The following SLC25A24 variants were observed in gnomAD, a reference collection of about 807,000 sequenced individuals.
SLC25A24 encodes the protein mitochondrial adenyl nucleotide antiporter SLC25A24.
SLC25A24 carries 49 observed loss-of-function variants against 60.7 expected under a neutral mutation model. That is an observed-to-expected ratio of 0.81 (90% CI 0.64 to 1.02). SLC25A24 has a LOEUF of 1.02. SLC25A24 is among the 50% of genes least tolerant of loss of function. SLC25A24 has a pLI of 0.00. For missense variants in SLC25A24, 564 were observed against 586.3 expected (o/e 0.96, Z 0.39); for synonymous variants, 202 against 200.6 (o/e 1.01, Z -0.06).
At position 108,200,205 on chromosome 1, in the gene SLC25A24, G is replaced by A. The variant is rs1474635034; in HGVS notation, c.-67C>T. ...AGATCGAGGGCTGCGGGGCGAGACC[G>A]GGACCAGCGCGAGGCCGGGCTGGGC... On this transcript the variant is annotated 5_prime_UTR_variant, in exon 1 of 10. Transcript: ENST00000565488. 7.0e-7 allele frequency: 1 copy of A among 1,423,772 alleles called. No homozygotes were observed. Among genetic ancestry groups the A allele is most frequent in the Non-Finnish European group, 9.2e-7 (1 of 1,083,374 alleles). 88.2% of individuals were successfully genotyped at this position (1,423,772 alleles called of 1,614,324 possible).
intron 9 of SLC25A24, among the ~76,000 whole-genome samples, chr1:108,138,338 G>C (rs1679345622): frequency 6.6e-6 from 1 of 152,188 alleles, no homozygotes; most frequent in African/African-American, 2.4e-5. Context: ...GGGAGGTTGG[G>C]AATAGAGCTG....
intron 7 of SLC25A24, among the ~76,000 whole-genome samples, chr1:108,145,243 T>A (rs2101601456): frequency 6.6e-6 from 1 of 152,356 alleles, no homozygotes; most frequent in East Asian, 1.9e-4. Context: ...TTCATATCCG[T>A]CACCCACTTT....
At position 108,183,121 on chromosome 1, in the gene SLC25A24, C is replaced by T. The variant is rs1253533116; in HGVS notation, c.311-1093G>A. Among the ~76,000 whole-genome samples the T allele has an allele frequency of 2.0e-5, 3 of 152,092 alleles. No homozygotes were observed. In the East Asian group the frequency reaches 5.8e-4, roughly 29 times the overall value. The stretch of plus-strand genomic sequence containing the variant: ...AGTAAGAGAGGGTCTGGTGCTGAAG[C>T]AGCATAAACAGCTGACTTCTCCAGA... On this transcript the variant is annotated intron_variant, in intron 2 of 9. Transcript: ENST00000565488.
intron 1 of SLC25A24, among the ~76,000 whole-genome samples, chr1:108,195,134 A>G (rs1050615563): frequency 1.3e-5 from 2 of 152,202 alleles, no homozygotes; most frequent in African/African-American, 4.8e-5. Context: ...CAGCAGGGTC[A>G]AAAGAAGTTA....
chr1:108,148,043 T>C (rs555445176), intron 7 of SLC25A24, among the ~76,000 whole-genome samples: 3 of 152,136 alleles, frequency 2.0e-5, no homozygotes, highest in African/African-American at 4.8e-5. Context: ...GCAACATGAG[T>C]GAGCTTGGAA....
Position 108,136,633 on chromosome 1 carries a change from C to T in SLC25A24, c.*20G>A. On this transcript the variant is annotated 3_prime_UTR_variant, in exon 10 of 10. Coordinates refer to ENST00000565488, the MANE Select transcript of SLC25A24 (RefSeq NM_013386.5). ...ATTGTTGAAAGTTTCAATTATCAGG[C>T]TAAAGCAAAAAATGCAACATCATTT... The T allele has an allele frequency of 6.2e-7, 1 of 1,605,214 alleles. No individual in the cohort carries two copies. The highest frequency in any genetic ancestry group is 8.5e-7 in the Non-Finnish European group (1 of 1,173,526).
chr1:108,167,727 T>A (rs965095396), intron 3 of SLC25A24, among the ~76,000 whole-genome samples: 2 of 152,204 alleles, frequency 1.3e-5, no homozygotes, highest in African/African-American at 4.8e-5. Flanking sequence ...GTACCTCAGA[T>A]GGAAATGCAG....
At chr1:108,156,909 C>A (rs997778018) in intron 5 of SLC25A24, among the ~76,000 whole-genome samples, 1 of 152,214 alleles carries the variant, frequency 6.6e-6, no homozygotes, top group African/African-American at 2.4e-5. Context: ...AAAATACCTA[C>A]TTCACTGGGC....
At chr1:108,169,051 A>G (rs1174620216) in intron 3 of SLC25A24, among the ~76,000 whole-genome samples, 1 of 152,232 alleles carries the variant, frequency 6.6e-6, no homozygotes, top group Non-Finnish European at 1.5e-5. Flanking sequence ...GAGCACGAGC[A>G]TCATCTATTG....
chr1:108,152,001 T>A (rs1679768845), intron 6 of SLC25A24, among the ~76,000 whole-genome samples: 1 of 152,206 alleles, frequency 6.6e-6, no homozygotes, highest in Admixed American at 6.5e-5. Flanking sequence ...CTGGTGTTCA[T>A]CATTTCTTAC....
rs1487767860 is a variant in SLC25A24, at chr1:108,193,518, CT to C, written c.183+6437del. On this transcript the variant is annotated intron_variant, in intron 1 of 9. Coordinates refer to ENST00000565488, the MANE Select transcript of SLC25A24 (RefSeq NM_013386.5). Reference sequence around the variant, plus strand: ...TGCTGCAAAGGACATGATTTTGCTCCTTTTTTATGGCTGCATAGTATTCCAT... The same window carrying C: ...TGCTGCAAAGGACATGATTTTGCTCCTTTTTATGGCTGCATAGTATTCCAT... 1.4e-5 allele frequency among the ~76,000 whole-genome samples: 2 copies of C among 140,014 alleles called. 1 individual carries two copies. The highest frequency in any genetic ancestry group is 3.1e-5 in the Non-Finnish European group (2 of 63,906). 91.9% of individuals were successfully genotyped at this position (140,014 alleles called of 152,430 possible).
rs960577231 is a variant in SLC25A24 at position 108,135,023 on chromosome 1, A to G, written c.*1630T>C. On this transcript the variant is annotated 3_prime_UTR_variant, in exon 10 of 10. Transcript: ENST00000565488. ...AACAATGAATATTTTCATATTTTCC[A>G]GAAGTTTGAAATTTCAAAGTTGTTA... is the stretch of plus-strand genomic sequence containing the variant. The G allele has an allele frequency of 4.7e-4, 72 of 152,326 alleles. No individual in the cohort carries two copies. The highest frequency in any genetic ancestry group is 1.7e-3 in the African/African-American group (69 of 41,566). The allele number at this position is 152,326 out of a possible 1,614,324, so 9.4% of individuals were successfully genotyped here.
In SLC25A24 at chr1:108,148,279, C is replaced by A; in HGVS notation, c.930G>T (p.Glu310Asp). Residue 310 changes from glutamate to aspartate, a missense_variant and splice_region_variant, in exon 7 of 10, where the codon GAG (glutamate) becomes GAT (aspartate). Coordinates refer to ENST00000565488, the MANE Select transcript of SLC25A24 (RefSeq NM_013386.5). The part of the protein sequence containing the change: ...ATAQTFIYPM[E>D]VMKTRLAVGK... ...AGTCAGACTTGACAATGGTACTCAC[C>A]TCCATTGGATATATAAAAGTCTGTG... 6.4e-7 allele frequency: 1 copy of A among 1,550,678 alleles called. No individual in the cohort carries two copies. Among genetic ancestry groups the A allele is most frequent in the East Asian group, 2.2e-5 (1 of 44,594 alleles).
chr1:108,182,434 A>G (rs1647962097), intron 2 of SLC25A24, among the ~76,000 whole-genome samples: 1 of 152,232 alleles, frequency 6.6e-6, no homozygotes, highest in Admixed American at 6.5e-5. Context: ...TACATTTTTA[A>G]TAAATTACTA....
At chr1:108,160,497 C>T (rs1203613559) in intron 4 of SLC25A24, among the ~76,000 whole-genome samples, 12 of 151,476 alleles carry the variant, frequency 7.9e-5, no homozygotes, top group East Asian at 2.0e-4. Flanking sequence ...CTCCTCATAT[C>T]CCAGACGATG....
intron 6 of SLC25A24, among the ~76,000 whole-genome samples, chr1:108,153,582 A>G (rs1351156399): frequency 1.3e-5 from 2 of 152,110 alleles, no homozygotes; most frequent in Non-Finnish European, 2.9e-5. Flanking sequence ...GCCCCGAGGG[A>G]TGAATGGACC....
chr1:108,168,788 C>T (rs1647327915), intron 3 of SLC25A24, among the ~76,000 whole-genome samples: 1 of 152,186 alleles, frequency 6.6e-6, no homozygotes, highest in South Asian at 2.1e-4. Flanking sequence ...TGTCTTTCCA[C>T]TCTATGCTGT....
intron 6 of SLC25A24, among the ~76,000 whole-genome samples, chr1:108,154,563 T>G (rs1337137739): frequency 6.6e-6 from 1 of 152,170 alleles, no homozygotes. Flanking sequence ...CCTGCCTTCA[T>G]GGAGGTGTCA....
intron 3 of SLC25A24, among the ~76,000 whole-genome samples, chr1:108,180,533 TA>T (rs1315693381): frequency 1.3e-5 from 2 of 151,804 alleles, no homozygotes; most frequent in Non-Finnish European, 2.9e-5. Context: ...ATAGCATCTT[TA>T]GGGGGTAAAG....
Sources: allele counts gnomAD v4.1 joint callset (sites outside exome capture counted in the v4.1 genomes callset), GRCh38; gene constraint gnomAD v4.1.1; transcripts MANE v1.5; gene names NCBI Gene and HGNC (gene_info 2026-07-23, HGNC 2026-07-21).